SGK2: variants seen among roughly 807,000 people sequenced by gnomAD.
SGK2 encodes the protein serum/glucocorticoid regulated kinase 2.
SGK2 carries 36 observed loss-of-function variants against 47.5 expected under a neutral mutation model. The observed-to-expected ratio is 0.76, with a 90% CI of 0.58 to 1.00. The LOEUF (loss-of-function observed/expected upper bound fraction) is 1.00. Ranked by LOEUF, SGK2 falls within the 50% of genes least tolerant of loss-of-function variation. The pLI, the probability that SGK2 is intolerant of heterozygous loss-of-function variation, is 0.00. For missense variants in SGK2, 404 were observed against 467.4 expected (o/e 0.86, Z 1.25); for synonymous variants, 157 against 181.9 (o/e 0.86, Z 1.10).
In SGK2 at chr20:43,576,287, A is replaced by G. The variant is rs1393992024; in HGVS notation, c.757A>G (p.Ile253Val). The G allele has an allele frequency of 1.2e-6, 2 of 1,614,100 alleles. No individual in the cohort carries two copies. ...GAACATTCTGCACCAGCCGCTACAGATCCCCGGAGGCCGGACAGTGGCCGC... is the reference window on the plus strand; with the variant it reads ...GAACATTCTGCACCAGCCGCTACAGGTCCCCGGAGGCCGGACAGTGGCCGC... ...YENILHQPLQ[I>V]PGGRTVAACD... The change falls in exon 11 of 13, where the codon ATC (isoleucine) becomes GTC (valine). Residue 253 changes from isoleucine (I) to valine (V), a missense_variant. By Grantham distance (29) the Ile-to-Val change is conservative. Transcript: ENST00000373100.
At chr20:43,561,386 ATTT>A (rs5841510) in intron 1 of SGK2, among the ~76,000 whole-genome samples, 1,215 of 112,376 alleles carry the variant, frequency 0.011, 9 homozygotes, top group Middle Eastern at 0.041. Context: ...GAGGCTTTGG[ATTT>A]TTTTTTTTTT....
intron 6 of SGK2, among the ~76,000 whole-genome samples, chr20:43,570,217 C>T (rs1418167337): frequency 6.6e-6 from 1 of 152,176 alleles, no homozygotes; most frequent in Non-Finnish European, 1.5e-5. Context: ...CTTTGAACCA[C>T]GCAGGTTCAA....
chr20:43,580,707 A>C (rs188981508), intron 12 of SGK2, among the ~76,000 whole-genome samples: 1 of 140,652 alleles, frequency 7.1e-6, no homozygotes, highest in Non-Finnish European at 1.5e-5. Context: ...CAGCGTAGGC[A>C]ACAGAGGGAG....
intron 1 of SGK2, among the ~76,000 whole-genome samples, chr20:43,560,383 C>T (rs1480926620): frequency 6.6e-6 from 1 of 151,532 alleles, no homozygotes; most frequent in East Asian, 1.9e-4. Flanking sequence ...CCCGTAATCC[C>T]AGCTATTTGG....
intron 1 of SGK2, among the ~76,000 whole-genome samples, chr20:43,563,621 A>G (rs928804467): frequency 1.2e-4 from 19 of 152,232 alleles, no homozygotes; most frequent in Admixed American, 9.8e-4. Context: ...TGGACACGGT[A>G]TATGGTCAAG....
chr20:43,570,898 T>C, intron 7 of SGK2, 126 bp from the exon 8 acceptor site: 1 of 1,481,198 alleles, frequency 6.8e-7, no homozygotes, highest in Non-Finnish European at 9.3e-7. Flanking sequence ...TTCTGGGCTC[T>C]CCTTCTGCAT....
intron 7 of SGK2, 37 bp downstream of exon 7, chr20:43,570,766 C>T (rs766921990): frequency 2.0e-6 from 3 of 1,474,644 alleles, no homozygotes; most frequent in Non-Finnish European, 2.8e-6. Context: ...AGGACCAAGC[C>T]CTTCTTGCTC....
chr20:43,575,542 C>T (rs1980413353), intron 10 of SGK2, among the ~76,000 whole-genome samples: 1 of 151,334 alleles, frequency 6.6e-6, no homozygotes, highest in Admixed American at 6.6e-5. Context: ...TGGAGGCTGA[C>T]ACAGCAGGAA....
intron 6 of SGK2, among the ~76,000 whole-genome samples, chr20:43,569,971 C>T (rs991231774): frequency 1.3e-5 from 2 of 152,196 alleles, no homozygotes; most frequent in African/African-American, 4.8e-5. Flanking sequence ...CACTCTGTCT[C>T]TCTGGTCAAG....
intron 1 of SGK2, among the ~76,000 whole-genome samples, chr20:43,562,893 G>A (rs1305945567): frequency 6.6e-6 from 1 of 152,066 alleles, no homozygotes; most frequent in African/African-American, 2.4e-5. Context: ...AACACTTTGG[G>A]AGGCCGAGGC....
chr20:43,574,969 T>C lies in SGK2; in HGVS notation c.658T>C (p.Leu220=). Residue 220 remains leucine (L), a synonymous_variant, in exon 10 of 13, where the codon TTG becomes CTG. Transcript: ENST00000373100. ...PYDRAVDWWC[L]GAVLYEMLHG... is the part of the protein sequence containing the mutation. Reference sequence around the variant, plus strand: ...TGATCGAGCAGTGGACTGGTGGTGCTTGGGGGCAGTCCTCTACGAGATGCT... The same window carrying C: ...TGATCGAGCAGTGGACTGGTGGTGCCTGGGGGCAGTCCTCTACGAGATGCT... 5.0e-6 allele frequency: 8 copies of C among 1,613,786 alleles called. No homozygotes were observed. Among genetic ancestry groups the C allele is most frequent in the Non-Finnish European group, 5.9e-6 (7 of 1,179,808 alleles).
In SGK2 at chr20:43,567,051, A is replaced by G; in HGVS notation, c.37-17A>G. ...AAGGAGTAGGGATCTGCTGATCATA[A>G]TCACTTCTTTCTTTAGCCCTCCAGG... On this transcript the variant is annotated splice_polypyrimidine_tract_variant and intron_variant, in intron 2 of 12. Coordinates refer to ENST00000373100, the MANE Select transcript of SGK2 (RefSeq NM_170693.3). 6.2e-7 allele frequency: 1 copy of G among 1,612,210 alleles called. No individual in the cohort carries two copies. Among genetic ancestry groups the G allele is most frequent in the Admixed American group, 1.7e-5 (1 of 60,006 alleles).
intron 12 of SGK2, among the ~76,000 whole-genome samples, chr20:43,580,864 T>TG (rs1359246937): frequency 6.6e-6 from 1 of 152,008 alleles, no homozygotes; most frequent in Non-Finnish European, 1.5e-5. Context: ...ATGTGTTTTT[T>TG]TTTGTTTGTT....
intron 12 of SGK2, among the ~76,000 whole-genome samples, chr20:43,581,126 C>T (rs1980772105): frequency 6.6e-6 from 1 of 152,054 alleles, no homozygotes; most frequent in Non-Finnish European, 1.5e-5. Context: ...CCGCCCGCCT[C>T]GGCCTCCCAA....
chr20:43,564,187 C>T (rs372385662), intron 1 of SGK2, among the ~76,000 whole-genome samples: 2 of 152,250 alleles, frequency 1.3e-5, no homozygotes, highest in Non-Finnish European at 2.9e-5. Context: ...TCTCTGGGAC[C>T]GTTTCTTACG....
intron 1 of SGK2, among the ~76,000 whole-genome samples, chr20:43,559,813 C>T (rs1979280965): frequency 6.6e-6 from 1 of 152,076 alleles, no homozygotes. Context: ...TGACACTGTC[C>T]CACCCCCACA....
chr20:43,580,269 G>A (rs1342107902), intron 12 of SGK2, among the ~76,000 whole-genome samples: 2 of 152,156 alleles, frequency 1.3e-5, no homozygotes, highest in South Asian at 2.1e-4. Flanking sequence ...CCTTTGTCTT[G>A]AGCACCAATA....
rs5841511 is a variant in SGK2 at position 43,573,489 on chromosome 20, CAAAA to C, written c.597+1369_597+1372del. On this transcript the variant is annotated intron_variant, in intron 9 of 12. Transcript: ENST00000373100. The stretch of plus-strand genomic sequence containing the variant: ...GGTGGACAAGAGCGAGACTCTGTCT[CAAAA>C]AAAAAAAAAAAAAAAACTTTATTTG... 2.7e-5 allele frequency among the ~76,000 whole-genome samples: 3 copies of C among 111,338 alleles called. No individual in the cohort carries two copies. In the Admixed American group the frequency reaches 3.0e-4, roughly 11 times the overall value. 73.0% of individuals were successfully genotyped at this position (111,338 alleles called of 152,430 possible).
At chr20:43,566,073 G>A (rs1450695269) in intron 1 of SGK2, 1 of 422,014 alleles carries the variant, frequency 2.4e-6, no homozygotes, top group Non-Finnish European at 4.2e-6. Flanking sequence ...TTAGGCCACA[G>A]GCCTTCCATC....
Sources: allele counts gnomAD v4.1 joint callset (sites outside exome capture counted in the v4.1 genomes callset), GRCh38; gene constraint gnomAD v4.1.1; transcripts MANE v1.5; gene names NCBI Gene and HGNC (gene_info 2026-07-23, HGNC 2026-07-21).